The following PDE4B variants were observed in gnomAD, a reference collection of about 807,000 sequenced individuals.
PDE4B encodes 3',5'-cyclic-AMP phosphodiesterase 4B.
In PDE4B, 20 loss-of-function variants were observed where a neutral mutation model predicts 82.2. The observed-to-expected ratio is 0.24, with a 90% CI of 0.17 to 0.35. The LOEUF is 0.35. PDE4B is among the 10% of genes least tolerant of loss of function. PDE4B has a pLI of 1.00. For missense variants in PDE4B, 655 were observed against 907.2 expected, an observed-to-expected ratio of 0.72 and a Z score of 3.57; for synonymous variants, 320 against 318.9, an observed-to-expected ratio of 1.00 and a Z score of -0.04.
intron 3 of PDE4B, among the ~76,000 whole-genome samples, chr1:66,168,942 A>G (rs1646787823): frequency 6.6e-6 from 1 of 152,180 alleles, no homozygotes; most frequent in African/African-American, 2.4e-5. Context: ...GGCAAATCTG[A>G]AATAAGGAAA....
chr1:65,887,802 G>A (rs1646808110), intron 1 of PDE4B, among the ~76,000 whole-genome samples: 2 of 151,778 alleles, frequency 1.3e-5, no homozygotes, highest in East Asian at 1.9e-4. Context: ...ATTTTTCAAT[G>A]AGATTTTTTT....
chr1:65,796,887 G>T (rs1645637294), intron 1 of PDE4B, among the ~76,000 whole-genome samples: 1 of 151,680 alleles, frequency 6.6e-6, no homozygotes, highest in Non-Finnish European at 1.5e-5. Flanking sequence ...CTGACCTCAT[G>T]ATCTGCCTGC....
At chr1:66,327,326 C>A (rs928242957) in intron 7 of PDE4B, among the ~76,000 whole-genome samples, 27 of 152,158 alleles carry the variant, frequency 1.8e-4, no homozygotes, top group African/African-American at 5.1e-4. Context: ...GCAGTTTGTA[C>A]AATGTGATCC....
intron 3 of PDE4B, among the ~76,000 whole-genome samples, chr1:66,018,276 G>T (rs1652892530): frequency 6.6e-6 from 1 of 152,000 alleles, no homozygotes; most frequent in Non-Finnish European, 1.5e-5. Context: ...AATTAGCCGG[G>T]CATGGTGGTG....
At chr1:66,364,540 C>A (rs1442971060) in intron 12 of PDE4B, among the ~76,000 whole-genome samples, 1 of 152,134 alleles carries the variant, frequency 6.6e-6, no homozygotes, top group African/African-American at 2.4e-5. Context: ...CATGCCCTGT[C>A]CAGCCTCACC....
At chr1:66,004,132 C>T (rs1652020131) in intron 3 of PDE4B, among the ~76,000 whole-genome samples, 1 of 152,032 alleles carries the variant, frequency 6.6e-6, no homozygotes, top group African/African-American at 2.4e-5. Flanking sequence ...TTTCATTAGG[C>T]CTTTATGAAG....
At chr1:66,075,123 G>C (rs1656351443) in intron 3 of PDE4B, among the ~76,000 whole-genome samples, 1 of 151,954 alleles carries the variant, frequency 6.6e-6, no homozygotes, top group Admixed American at 6.6e-5. Flanking sequence ...GCCCAGAGTA[G>C]CCCTGCTCTT....
chr1:65,871,641 G>A (rs563178367), intron 1 of PDE4B, among the ~76,000 whole-genome samples: 3 of 152,182 alleles, frequency 2.0e-5, no homozygotes, highest in Non-Finnish European at 2.9e-5. Flanking sequence ...GAAGACTTCA[G>A]TTGCCTGAAA....
chr1:65,838,439 T>A (rs528411364), intron 1 of PDE4B, among the ~76,000 whole-genome samples: 2 of 149,574 alleles, frequency 1.3e-5, no homozygotes, highest in Non-Finnish European at 3.0e-5. Context: ...TTTGATCTAA[T>A]TAATCTTTTC....
chr1:65,849,745 G>A (rs1209462033), intron 1 of PDE4B, among the ~76,000 whole-genome samples: 1 of 152,166 alleles, frequency 6.6e-6, no homozygotes, highest in Non-Finnish European at 1.5e-5. Flanking sequence ...TGCATTTTGA[G>A]AGCCTGATGC....
At chr1:66,065,392 G>C (rs891118706) in intron 3 of PDE4B, among the ~76,000 whole-genome samples, 3 of 151,892 alleles carry the variant, frequency 2.0e-5, no homozygotes, top group African/African-American at 7.2e-5. Flanking sequence ...AATAATATGT[G>C]TGGTGGGTGT....
At chr1:66,031,164 C>T (rs1653754616) in intron 3 of PDE4B, among the ~76,000 whole-genome samples, 1 of 152,132 alleles carries the variant, frequency 6.6e-6, no homozygotes, top group Non-Finnish European at 1.5e-5. Flanking sequence ...AACCCTTGGA[C>T]TTCTAATGCC....
chr1:65,938,471 A>G (rs990241891), intron 3 of PDE4B, among the ~76,000 whole-genome samples: 1 of 152,226 alleles, frequency 6.6e-6, no homozygotes, highest in African/African-American at 2.4e-5. Flanking sequence ...TAGACTAATG[A>G]TGCTTTATTC....
At chr1:65,857,769 T>C (rs1646409995) in intron 1 of PDE4B, among the ~76,000 whole-genome samples, 2 of 152,260 alleles carry the variant, frequency 1.3e-5, no homozygotes, top group African/African-American at 2.4e-5. Flanking sequence ...GATATATTTG[T>C]TGGATAAGTG....
chr1:66,018,770 A>T (rs1409264244), intron 3 of PDE4B, among the ~76,000 whole-genome samples: 2 of 152,198 alleles, frequency 1.3e-5, no homozygotes, highest in East Asian at 3.8e-4. Flanking sequence ...TGCCTTTTAT[A>T]TATTTATCCA....
rs573976668 is a variant in PDE4B, at chr1:66,109,895, C to T, written c.282-137565C>T. ...TAGGTATTTTTGTTAGGCTATCAGA[C>T]GTTGAATTAGTGGAACTCTTCTTAA... On this transcript the variant is annotated intron_variant, in intron 3 of 16. Transcript: ENST00000341517. Among the ~76,000 whole-genome samples the T allele has an allele frequency of 3.2e-4, 49 of 151,910 alleles. 1 individual carries two copies. Among genetic ancestry groups the T allele is most frequent in the Middle Eastern group, 3.4e-3 (1 of 294 alleles).
At chr1:66,206,014 G>C (rs1649518163) in intron 3 of PDE4B, among the ~76,000 whole-genome samples, 1 of 152,192 alleles carries the variant, frequency 6.6e-6, no homozygotes, top group African/African-American at 2.4e-5. Flanking sequence ...CTGAAGCAAT[G>C]TGCTAGGAAT....
intron 7 of PDE4B, among the ~76,000 whole-genome samples, chr1:66,308,773 A>G (rs1658462505): frequency 6.6e-6 from 1 of 152,178 alleles, no homozygotes; most frequent in African/African-American, 2.4e-5. Context: ...GAGGCCCATA[A>G]ACAAAAGATT....
chr1:65,901,926 T>C (rs1424464250), intron 1 of PDE4B, among the ~76,000 whole-genome samples: 1 of 152,094 alleles, frequency 6.6e-6, no homozygotes, highest in African/African-American at 2.4e-5. Flanking sequence ...GGTTTAGGTG[T>C]TTAGCACTAT....
Sources: gnomAD v4.1 joint callset for allele counts (sites outside exome capture counted in the v4.1 genomes callset) on GRCh38, gnomAD v4.1.1 for gene constraint, MANE v1.5 for transcripts, NCBI Gene and HGNC (gene_info 2026-07-23, HGNC 2026-07-21) for gene names.